Variants in OSMR observed in about 807,000 individuals in gnomAD.
The protein encoded by OSMR is oncostatin M receptor.
In OSMR, 81 loss-of-function variants were observed where a neutral mutation model predicts 99.9. The observed-to-expected ratio is 0.81, with a 90% confidence interval of 0.68 to 0.97. OSMR has a LOEUF of 0.97. Among genes scored for constraint, OSMR ranks in the 50% least tolerant of loss-of-function variants. The pLI, the probability that OSMR is intolerant of heterozygous loss-of-function variation, is 0.00. For missense variants in OSMR, 1,099 were observed against 1,153.4 expected (o/e 0.95, Z 0.68); for synonymous variants, 406 against 410.4 (o/e 0.99, Z 0.13).
Position 38,876,287 on chromosome 5 carries a change from G to C in OSMR, c.160G>C (p.Val54Leu). 4 of 1,613,248 alleles carry C rather than the reference G, an allele frequency of 2.5e-6. No individual in the cohort carries two copies. The highest frequency in any genetic ancestry group is 3.4e-6 in the Non-Finnish European group (4 of 1,179,370). ...TCAGAGTTTGCACTTACAATGGACTGTCCACAACCTTCCTTATCATCAGGA... is the reference window on the plus strand; with the variant it reads ...TCAGAGTTTGCACTTACAATGGACTCTCCACAACCTTCCTTATCATCAGGA... ...TRQSLHLQWT[V>L]HNLPYHQELK... Residue 54 changes from valine (V) to leucine (L), a missense_variant, in exon 3 of 18, where the codon GTC becomes CTC. Physicochemically the swap from Val to Leu is conservative, Grantham distance 32. Coordinates refer to ENST00000274276, the MANE Select transcript of OSMR (RefSeq NM_003999.3).
chr5:38,940,752 C>T (rs1451102310), intron 1 of OSMR: 1 of 232,256 alleles, frequency 4.3e-6, no homozygotes, highest in Admixed American at 5.6e-5. Flanking sequence ...CTGGAACTTT[C>T]AGTTCCAGTA....
downstream of OSMR, chr5:38,940,490 G>A (rs1747441013): frequency 4.3e-6 from 1 of 232,654 alleles, no homozygotes; most frequent in Non-Finnish European, 8.5e-6. Context: ...CACGATGACA[G>A]GCAACGTTCT....
intron 7 of OSMR, among the ~76,000 whole-genome samples, chr5:38,902,795 G>A (rs1483240868): frequency 6.6e-6 from 1 of 152,146 alleles, no homozygotes; most frequent in Non-Finnish European, 1.5e-5. Flanking sequence ...GATGTCTCAA[G>A]GACCATCAGA....
chr5:38,876,889 T>C (rs991660892), intron 3 of OSMR, among the ~76,000 whole-genome samples: 2 of 152,214 alleles, frequency 1.3e-5, no homozygotes, highest in East Asian at 3.8e-4. Context: ...CTGTGTCCTT[T>C]GTTGCCTTAC....
chr5:38,943,150 G>T, intron 1 of OSMR: 1 of 347,056 alleles, frequency 2.9e-6, no homozygotes, highest in East Asian at 3.7e-5. Flanking sequence ...TAGACATTCT[G>T]AGTTTGGGTT....
Position 38,904,424 on chromosome 5 carries a change from G to A in OSMR, c.1206G>A (p.Ala402=), listed in dbSNP as rs774204835. ...SELEPATEYM[A]RVRCADASHF... ...TGGAACCTGCCACAGAGTACATGGCGCGAGTACGGTGTGCTGATGCCAGCC... is the reference window on the plus strand; with the variant it reads ...TGGAACCTGCCACAGAGTACATGGCACGAGTACGGTGTGCTGATGCCAGCC... Residue 402 remains alanine (A), a synonymous_variant, in exon 9 of 18, where the codon GCG becomes GCA. Coordinates refer to ENST00000274276, the MANE Select transcript of OSMR (RefSeq NM_003999.3). 70 of 1,614,132 alleles carry A rather than the reference G, an allele frequency of 4.3e-5. 3 individuals are homozygous for A. The South Asian group carries it at 4.9e-4, about 11-fold the overall frequency.
chr5:38,936,124 A>AAAT (rs1747024039), downstream of OSMR, among the ~76,000 whole-genome samples: 4 of 152,224 alleles, frequency 2.6e-5, no homozygotes, highest in Non-Finnish European at 5.9e-5. Context: ...AATTTCAAAT[A>AAAT]AATATATACA....
chr5:38,904,562 T>C, intron 9 of OSMR, 59 bp downstream of exon 9: 2 of 1,607,920 alleles, frequency 1.2e-6, no homozygotes, highest in South Asian at 2.2e-5. Flanking sequence ...TAGACTGGTT[T>C]CCTTAAGAGA....
chr5:38,849,753 T>A (rs890885867), intron 1 of OSMR, among the ~76,000 whole-genome samples: 1 of 152,244 alleles, frequency 6.6e-6, no homozygotes, highest in African/African-American at 2.4e-5. Flanking sequence ...TAATGACTTA[T>A]CTGATTTCAA....
At chr5:38,880,301 C>A (rs1430826847) in intron 3 of OSMR, among the ~76,000 whole-genome samples, 1 of 152,172 alleles carries the variant, frequency 6.6e-6, no homozygotes. Flanking sequence ...CCCTTAGAAA[C>A]ATGGATGCAG....
chr5:38,888,264 G>A (rs1224549137), intron 7 of OSMR, among the ~76,000 whole-genome samples: 2 of 152,146 alleles, frequency 1.3e-5, no homozygotes, highest in African/African-American at 4.8e-5. Flanking sequence ...GCAAATGCAG[G>A]GCACCTTGAT....
intron 9 of OSMR, among the ~76,000 whole-genome samples, chr5:38,905,334 T>C (rs379408): frequency 0.66 from 99,454 of 151,774 alleles, 32,903 homozygotes; most frequent in African/African-American, 0.72. Flanking sequence ...ACTAAAAATA[T>C]AAAAATTAGC....
At chr5:38,870,436 A>G (rs1293510335) in intron 2 of OSMR, among the ~76,000 whole-genome samples, 1 of 151,312 alleles carries the variant, frequency 6.6e-6, no homozygotes, top group African/African-American at 2.4e-5. Context: ...GGTTCAAGCA[A>G]TTCTTCTGCC....
rs558876471 is a variant in OSMR at position 38,912,511 on chromosome 5, C to T, written c.1286-5035C>T. ...ATCACTGACTCCCCAAAGCAATTTA[C>T]AGATTCAATGCTATTTCTATCAAAC... On this transcript the variant is annotated intron_variant, in intron 9 of 17. Coordinates refer to ENST00000274276, the MANE Select transcript of OSMR (RefSeq NM_003999.3). 5.9e-5 allele frequency among the ~76,000 whole-genome samples: 9 copies of T among 152,188 alleles called. No homozygotes were observed. The East Asian group carries it at 1.7e-3, about 29-fold the overall frequency.
chr5:38,929,026 G>T (rs1240302687), intron 15 of OSMR, among the ~76,000 whole-genome samples: 1 of 151,778 alleles, frequency 6.6e-6, no homozygotes, highest in Non-Finnish European at 1.5e-5. Flanking sequence ...ATTATTATTT[G>T]AAAGAAAATA....
At chr5:38,897,814 T>A (rs1298843437) in intron 7 of OSMR, among the ~76,000 whole-genome samples, 3 of 152,144 alleles carry the variant, frequency 2.0e-5, no homozygotes, top group Non-Finnish European at 4.4e-5. Flanking sequence ...TGGTGCATTG[T>A]GTTTCTCTTA....
In OSMR at chr5:38,935,155, T is replaced by C. The variant is rs1746957616; in HGVS notation, c.*1711T>C. 6.6e-6 allele frequency: 1 copy of C among 152,120 alleles called. No homozygotes were observed. Among genetic ancestry groups the C allele is most frequent in the Non-Finnish European group, 1.5e-5 (1 of 68,126 alleles). 9.4% of individuals were successfully genotyped at this position (152,120 alleles called of 1,614,324 possible). ...TAGCCGTCACATTTCTAAACAAGCATGAAAGGGGTTCATTTTTGTCTTCTT... is the reference window on the plus strand; with the variant it reads ...TAGCCGTCACATTTCTAAACAAGCACGAAAGGGGTTCATTTTTGTCTTCTT... On this transcript the variant is annotated 3_prime_UTR_variant, in exon 18 of 18. Coordinates refer to ENST00000274276, the MANE Select transcript of OSMR (RefSeq NM_003999.3).
chr5:38,850,257 C>T (rs560521428), intron 1 of OSMR, among the ~76,000 whole-genome samples: 1 of 152,300 alleles, frequency 6.6e-6, no homozygotes, highest in Admixed American at 6.5e-5. Flanking sequence ...GGTGTACAGT[C>T]TTGTACAACT....
intron 2 of OSMR, chr5:38,944,637 T>C (rs1747971148): frequency 7.3e-7 from 1 of 1,375,510 alleles, no homozygotes. Context: ...ACTCATGAAA[T>C]TTATTTTTAA....
Sources: gnomAD v4.1 joint callset for allele counts (sites outside exome capture counted in the v4.1 genomes callset) on GRCh38, gnomAD v4.1.1 for gene constraint, MANE v1.5 for transcripts, NCBI Gene and HGNC (gene_info 2026-07-23, HGNC 2026-07-21) for gene names.